The following MAP2K5 variants were observed in gnomAD, a reference collection of about 807,000 sequenced individuals.
The protein encoded by MAP2K5 is dual specificity mitogen-activated protein kinase kinase 5.
In MAP2K5, 49 loss-of-function variants were observed where a neutral mutation model predicts 83.1. That is an observed-to-expected ratio of 0.59 (90% CI 0.47 to 0.75). The LOEUF is 0.75. MAP2K5 is among the 30% of genes least tolerant of loss of function. The pLI, the probability that MAP2K5 is intolerant of heterozygous loss-of-function variation, is 0.00. For synonymous variants in MAP2K5, 202 were observed against 191.8 expected, an observed-to-expected ratio of 1.05 and a Z score of -0.44; for missense variants, 457 against 557.5, an observed-to-expected ratio of 0.82 and a Z score of 1.82.
intron 16 of MAP2K5, among the ~76,000 whole-genome samples, chr15:67,725,858 T>C (rs1205006838): frequency 6.6e-6 from 1 of 152,180 alleles, no homozygotes; most frequent in Non-Finnish European, 1.5e-5. Flanking sequence ...CAAACTATTT[T>C]CAAAATGTAG....
At chr15:67,615,639 A>G (rs552355298) in intron 8 of MAP2K5, among the ~76,000 whole-genome samples, 26 of 152,274 alleles carry the variant, frequency 1.7e-4, no homozygotes, top group Admixed American at 1.4e-3. Flanking sequence ...AAATAAACCT[A>G]AAAAGACCAA....
intron 7 of MAP2K5, among the ~76,000 whole-genome samples, chr15:67,595,935 G>T (rs1475441833): frequency 6.6e-6 from 1 of 151,368 alleles, no homozygotes; most frequent in Non-Finnish European, 1.5e-5. Context: ...TTACTCCAAA[G>T]ATATGTGAGT....
intron 11 of MAP2K5, among the ~76,000 whole-genome samples, chr15:67,647,404 CT>C (rs904105420): frequency 1.3e-5 from 2 of 152,060 alleles, no homozygotes; most frequent in Non-Finnish European, 2.9e-5. Flanking sequence ...TGTGTTGTAA[CT>C]TTTATCATTC....
chr15:67,732,719 T>C (rs2089248470), intron 17 of MAP2K5, among the ~76,000 whole-genome samples: 1 of 152,184 alleles, frequency 6.6e-6, no homozygotes, highest in African/African-American at 2.4e-5. Flanking sequence ...ATCTTGTTGT[T>C]AATTTTCCCT....
chr15:67,662,564 A>G (rs549880855), intron 12 of MAP2K5, among the ~76,000 whole-genome samples: 35 of 152,264 alleles, frequency 2.3e-4, no homozygotes, highest in Middle Eastern at 6.8e-3. Context: ...TCATGTGCAT[A>G]TAGGATCAGT....
Position 67,757,341 on chromosome 15 carries a change from A to G in MAP2K5, c.1134+8740A>G, listed in dbSNP as rs1159241796. ...CAGATTATGTCTTCCCATTGATTCA[A>G]TAGTTGATGTTCACACATTTCTAAA... On this transcript the variant is annotated intron_variant, in intron 19 of 21. Coordinates refer to ENST00000178640, the MANE Select transcript of MAP2K5 (RefSeq NM_145160.3). This position sits in a 1 kb window ranked among gnomAD's most constrained non-coding sequence, Gnocchi z 4.9. Among the ~76,000 whole-genome samples the G allele has an allele frequency of 1.1e-4, 16 of 152,194 alleles. No individual in the cohort carries two copies. The highest frequency in any genetic ancestry group is 1.9e-4 in the Non-Finnish European group (13 of 68,042).
chr15:67,703,319 C>T lies in MAP2K5; in HGVS notation c.973-18C>T. 6.2e-7 allele frequency: 1 copy of T among 1,603,122 alleles called. No homozygotes were observed. The highest frequency in any genetic ancestry group is 1.1e-5 in the South Asian group (1 of 90,710). ...GTAGCATCCGTCCACTCACAGGCTC[C>T]CTTCTGATTTCTTGCAGCCTGAAAG... is the stretch of plus-strand genomic sequence containing the variant. On this transcript the variant is annotated intron_variant, in intron 15 of 21. Coordinates refer to ENST00000178640, the MANE Select transcript of MAP2K5 (RefSeq NM_145160.3).
At chr15:67,805,761 G>A (rs574293267) in intron 21 of MAP2K5, among the ~76,000 whole-genome samples, 6 of 152,242 alleles carry the variant, frequency 3.9e-5, no homozygotes, top group Middle Eastern at 3.2e-3. Flanking sequence ...GCCACTTGGT[G>A]TAAGTTCCTG....
chr15:67,621,434 G>GAAAAA (rs11449678), intron 8 of MAP2K5, among the ~76,000 whole-genome samples: 9 of 118,972 alleles, frequency 7.6e-5, no homozygotes, highest in Non-Finnish European at 1.4e-4. Flanking sequence ...ACAAAAGTTT[G>GAAAAA]AAAAAAAAAA....
chr15:67,578,975 A>T (rs946223127), intron 3 of MAP2K5, among the ~76,000 whole-genome samples: 3 of 152,242 alleles, frequency 2.0e-5, no homozygotes, highest in African/African-American at 7.2e-5. Flanking sequence ...TATTTCTAGG[A>T]TAATGGCAAA....
At chr15:67,761,523 G>A (rs1668262975) in intron 19 of MAP2K5, among the ~76,000 whole-genome samples, 1 of 152,224 alleles carries the variant, frequency 6.6e-6, no homozygotes, top group Admixed American at 6.5e-5. Flanking sequence ...CAGTGCAGGT[G>A]GCAAATGGCA....
Position 67,782,849 on chromosome 15 carries a change from CG to C in MAP2K5, c.1242+10098del. ...CCTTCTCCAAAACAAGCTTTCCTCC[CG>C]TCAGGGAGGTCAGCAGAGCTTCGGC... is the stretch of plus-strand genomic sequence containing the variant. On this transcript the variant is annotated intron_variant, in intron 21 of 21. Coordinates refer to ENST00000178640, the MANE Select transcript of MAP2K5 (RefSeq NM_145160.3). The surrounding 1 kb of genome is among the most constrained non-coding windows in gnomAD (Gnocchi z 4.9). 6.6e-6 allele frequency among the ~76,000 whole-genome samples: 1 copy of C among 152,346 alleles called. No homozygotes were observed. The highest frequency in any genetic ancestry group is 2.1e-4 in the South Asian group (1 of 4,828).
At chr15:67,659,895 A>G (rs1027751477) in intron 12 of MAP2K5, among the ~76,000 whole-genome samples, 2 of 152,174 alleles carry the variant, frequency 1.3e-5, no homozygotes, top group Non-Finnish European at 2.9e-5. Context: ...AAGGCCACCT[A>G]TCTTTTCAGT....
At chr15:67,584,000 C>T (rs1265637051) in intron 4 of MAP2K5, among the ~76,000 whole-genome samples, 1 of 152,094 alleles carries the variant, frequency 6.6e-6, no homozygotes, top group Admixed American at 6.5e-5. Context: ...CCTCCCACCA[C>T]CACTTCTCCA....
chr15:67,794,923 A>G lies in MAP2K5; in HGVS notation c.1243-11723A>G, dbSNP rs1433842082. 1.3e-5 allele frequency among the ~76,000 whole-genome samples: 2 copies of G among 152,248 alleles called. No individual in the cohort carries two copies. The highest frequency in any genetic ancestry group is 6.5e-5 in the Admixed American group (1 of 15,280). Reference sequence around the variant, plus strand: ...AGACAATAGATATGAAATGCTTTGAAAAGTTAAAACTATGATGATAGGACT... The same window carrying G: ...AGACAATAGATATGAAATGCTTTGAGAAGTTAAAACTATGATGATAGGACT... On this transcript the variant is annotated intron_variant, in intron 21 of 21. Coordinates refer to ENST00000178640, the MANE Select transcript of MAP2K5 (RefSeq NM_145160.3). This position sits in a 1 kb window ranked among gnomAD's most constrained non-coding sequence, Gnocchi z 4.6.
chr15:67,625,139 G>A (rs906590089), intron 8 of MAP2K5, among the ~76,000 whole-genome samples: 1 of 152,194 alleles, frequency 6.6e-6, no homozygotes, highest in Non-Finnish European at 1.5e-5. Flanking sequence ...AAGATTACAA[G>A]TTAAGACCAA....
At chr15:67,611,909 G>A (rs8037986) in intron 8 of MAP2K5, among the ~76,000 whole-genome samples, 148,611 of 152,270 alleles carry the variant, frequency 0.98, 72,640 homozygotes, top group Middle Eastern at 1. Context: ...CATGTATCTT[G>A]TAGATGACCA....
At chr15:67,682,816 G>A (rs1252073686) in intron 13 of MAP2K5, among the ~76,000 whole-genome samples, 2 of 147,462 alleles carry the variant, frequency 1.4e-5, no homozygotes, top group Admixed American at 1.3e-4. Context: ...CTGGGTGACA[G>A]AGCAAGACTC....
rs1366677806 is a variant in MAP2K5 at position 67,636,860 on chromosome 15, A to T, written c.585+5933A>T. Among the ~76,000 whole-genome samples, 1 of 152,208 alleles carries T rather than the reference A, an allele frequency of 6.6e-6. No individual in the cohort carries two copies. The highest frequency in any genetic ancestry group is 1.5e-5 in the Non-Finnish European group (1 of 68,044). On this transcript the variant is annotated intron_variant, in intron 9 of 21. Transcript: ENST00000178640. This position sits in a 1 kb window ranked among gnomAD's most constrained non-coding sequence, Gnocchi z 4.7. ...TGAGTTAATGTTAACGTAAGAGATT[A>T]ACATTTGAGTCAGTGGGCTGGGAGA... is the stretch of plus-strand genomic sequence containing the variant.
Sources: gnomAD v4.1 joint callset for allele counts (sites outside exome capture counted in the v4.1 genomes callset) on GRCh38, gnomAD v4.1.1 for gene constraint, Gnocchi (gnomAD v3.1) non-coding constraint, MANE v1.5 for transcripts, NCBI Gene and HGNC (gene_info 2026-07-23, HGNC 2026-07-21) for gene names.